Variants in ALCAM observed in about 807,000 individuals in gnomAD.
The protein encoded by ALCAM is CD166 antigen.
ALCAM carries 30 observed loss-of-function variants against 70.9 expected under a neutral mutation model. The ratio of observed to expected loss-of-function variants is 0.42; its 90% CI spans 0.32 to 0.57. ALCAM has a LOEUF of 0.57. Ranked by LOEUF, ALCAM falls within the 20% of genes least tolerant of loss-of-function variation. The probability of loss-of-function intolerance (pLI) is 0.11; values close to 1 mark genes in which losing one functional copy is unlikely to be tolerated. For missense variants in ALCAM, 591 were observed against 695.1 expected, an observed-to-expected ratio of 0.85 and a Z score of 1.68; for synonymous variants, 249 against 242.5, an observed-to-expected ratio of 1.03 and a Z score of -0.25.
At chr3:105,441,470 C>T (rs954389743) in intron 1 of ALCAM, among the ~76,000 whole-genome samples, 22 of 152,148 alleles carry the variant, frequency 1.4e-4, no homozygotes, top group Non-Finnish European at 2.5e-4. Flanking sequence ...CCCTTGTCAA[C>T]TTTCCTTTGC....
chr3:105,373,872 A>G (rs558128515), intron 1 of ALCAM, among the ~76,000 whole-genome samples: 69 of 152,336 alleles, frequency 4.5e-4, no homozygotes, highest in African/African-American at 1.6e-3. Context: ...CATTACTAAG[A>G]AATTTTCTCA....
chr3:105,532,212 C>T, intron 4 of ALCAM, 146 bp downstream of exon 4: 1 of 698,218 alleles, frequency 1.4e-6, no homozygotes, highest in African/African-American at 1.8e-5. Flanking sequence ...ATCTACAAGG[C>T]ACAGAGGGTA....
chr3:105,559,810 T>G (rs2152633780), intron 14 of ALCAM, among the ~76,000 whole-genome samples: 1 of 152,290 alleles, frequency 6.6e-6, no homozygotes, highest in East Asian at 1.9e-4. Context: ...CAAATAGAAT[T>G]ATAGAAAAGG....
intron 14 of ALCAM, among the ~76,000 whole-genome samples, chr3:105,569,855 T>G (rs1940825967): frequency 6.6e-6 from 1 of 152,178 alleles, no homozygotes; most frequent in African/African-American, 2.4e-5. Flanking sequence ...TTTCTTTGCA[T>G]TTTTTGAGCT....
intron 4 of ALCAM, 62 bp downstream of exon 4, chr3:105,532,128 C>G: frequency 1.5e-6 from 2 of 1,359,846 alleles, no homozygotes; most frequent in Non-Finnish European, 2.1e-6. Flanking sequence ...TTCTTCTGAC[C>G]TTACATTCCA....
chr3:105,490,525 G>A (rs1266402267), intron 1 of ALCAM, among the ~76,000 whole-genome samples: 1 of 152,154 alleles, frequency 6.6e-6, no homozygotes, highest in Non-Finnish European at 1.5e-5. Flanking sequence ...TTGAAGCACT[G>A]TGTATGTATG....
At chr3:105,433,768 T>C (rs1559789983) in intron 1 of ALCAM, among the ~76,000 whole-genome samples, 1 of 145,920 alleles carries the variant, frequency 6.9e-6, no homozygotes, top group Non-Finnish European at 1.5e-5. Flanking sequence ...CCTTAAGAAA[T>C]ATATGCACAC....
chr3:105,375,810 A>C (rs578137216), intron 1 of ALCAM, among the ~76,000 whole-genome samples: 1 of 152,320 alleles, frequency 6.6e-6, no homozygotes, highest in African/African-American at 2.4e-5. Context: ...TGTACATGCA[A>C]ACTAAGTTGT....
chr3:105,408,495 C>T (rs1936304897), intron 1 of ALCAM, among the ~76,000 whole-genome samples: 1 of 152,026 alleles, frequency 6.6e-6, no homozygotes, highest in Non-Finnish European at 1.5e-5. Context: ...AATTGGCAAG[C>T]CACATGTGGA....
At chr3:105,403,501 G>A (rs1346259932) in intron 1 of ALCAM, among the ~76,000 whole-genome samples, 3 of 152,104 alleles carry the variant, frequency 2.0e-5, no homozygotes, top group Admixed American at 6.5e-5. Flanking sequence ...TGACGGTTTG[G>A]CTCTCAGGAA....
At chr3:105,380,220 C>A (rs1483628630) in intron 1 of ALCAM, among the ~76,000 whole-genome samples, 2 of 151,702 alleles carry the variant, frequency 1.3e-5, no homozygotes, top group African/African-American at 2.4e-5. Flanking sequence ...TATTTTCAAG[C>A]TAAATTGATA....
At chr3:105,533,741 A>G (rs1462044861) in intron 5 of ALCAM, 51 bp downstream of exon 5, 9 of 1,544,486 alleles carry the variant, frequency 5.8e-6, no homozygotes, top group Non-Finnish European at 8.0e-6. Context: ...ACCTGTTCTG[A>G]CTTTCTTTGT....
intron 1 of ALCAM, among the ~76,000 whole-genome samples, chr3:105,470,132 T>TACAC (rs35560211): frequency 1.7e-3 from 245 of 145,814 alleles, no homozygotes; most frequent in African/African-American, 2.4e-3. Flanking sequence ...GTTATATACA[T>TACAC]ACACACACAC....
At chr3:105,510,741 A>G (rs147444259) in intron 1 of ALCAM, among the ~76,000 whole-genome samples, 2 of 152,170 alleles carry the variant, frequency 1.3e-5, no homozygotes, top group East Asian at 3.9e-4. Context: ...ACCTGCTGTA[A>G]GAACTTGTTT....
chr3:105,473,987 C>T (rs113613698), intron 1 of ALCAM, among the ~76,000 whole-genome samples: 1 of 151,304 alleles, frequency 6.6e-6, no homozygotes, highest in African/African-American at 2.4e-5. Context: ...AAGGGTCAAC[C>T]ACTACATAAT....
At chr3:105,383,507 A>G (rs1462988216) in intron 1 of ALCAM, among the ~76,000 whole-genome samples, 1 of 151,818 alleles carries the variant, frequency 6.6e-6, no homozygotes, top group Non-Finnish European at 1.5e-5. Flanking sequence ...ACAACAACAT[A>G]TAATGTTGTA....
intron 8 of ALCAM, among the ~76,000 whole-genome samples, chr3:105,542,778 G>A (rs1469412549): frequency 6.6e-6 from 1 of 151,740 alleles, no homozygotes; most frequent in Non-Finnish European, 1.5e-5. Context: ...GCAACCAGAT[G>A]GTTGCTTCTG....
At chr3:105,521,005 C>T (rs776724266) in intron 2 of ALCAM, among the ~76,000 whole-genome samples, 4 of 152,094 alleles carry the variant, frequency 2.6e-5, no homozygotes, top group Non-Finnish European at 4.4e-5. Flanking sequence ...AAATACTTTA[C>T]AAAAAGTTTA....
rs1445009349 is a variant in ALCAM, at chr3:105,566,042, CACAGATCAGAGT to C, written c.1665-5807_1665-5796del. ...CTAGTGGCTTTTCCCTTAGAAATCA[CACAGATCAGAGT>C]ACTTTGCTACCTGTTGTCCAATGAC... On this transcript the variant is annotated intron_variant, in intron 14 of 15. Coordinates refer to ENST00000306107, the MANE Select transcript of ALCAM (RefSeq NM_001627.4). Among the ~76,000 whole-genome samples the C allele has an allele frequency of 7.2e-5, 11 of 152,304 alleles. No homozygotes were observed. The East Asian group carries it at 1.9e-3, about 27-fold the overall frequency.
Sources: gnomAD v4.1 joint callset for allele counts (sites outside exome capture counted in the v4.1 genomes callset) on GRCh38, gnomAD v4.1.1 for gene constraint, MANE v1.5 for transcripts, NCBI Gene and HGNC (gene_info 2026-07-23, HGNC 2026-07-21) for gene names.